The following MAN2A1 variants were observed in gnomAD, a reference collection of about 807,000 sequenced individuals.
MAN2A1 encodes mannosidase alpha class 2A member 1, also known as alpha-mannosidase 2.
Under a neutral mutation model 142.6 loss-of-function variants are expected in MAN2A1, and 76 were observed. The ratio of observed to expected loss-of-function variants is 0.53; its 90% CI spans 0.44 to 0.65. The LOEUF is 0.65. Among genes scored for constraint, MAN2A1 ranks in the 30% least tolerant of loss-of-function variants. The pLI is 0.00. For missense variants in MAN2A1, 1,311 were observed against 1,365.1 expected (o/e 0.96, Z 0.62); for synonymous variants, 559 against 473.2 (o/e 1.18, Z -2.35).
Position 109,828,061 on chromosome 5 carries a change from C to T in MAN2A1, c.2566+4224C>T, listed in dbSNP as rs199971095. 5.5e-4 allele frequency among the ~76,000 whole-genome samples: 83 copies of T among 150,358 alleles called. No homozygotes were observed. The East Asian group carries it at 0.014, about 26-fold the overall frequency. ...CGGAGGTTGCAATGAGCCGAAATAG[C>T]GCCACTGTACTCCAACCTGGGCAAC... is the stretch of plus-strand genomic sequence containing the variant. On this transcript the variant is annotated intron_variant, in intron 16 of 21. Transcript: ENST00000261483.
intron 16 of MAN2A1, among the ~76,000 whole-genome samples, chr5:109,832,877 G>C (rs1222285769): frequency 1.3e-5 from 2 of 151,006 alleles, no homozygotes; most frequent in East Asian, 1.9e-4. Context: ...TCCCAGACGG[G>C]GCGGCTGCCG....
intron 19 of MAN2A1, chr5:109,853,603 G>A (rs1196506410): frequency 6.6e-6 from 1 of 152,150 alleles, no homozygotes; most frequent in East Asian, 1.9e-4. Flanking sequence ...ACCTAGAGTG[G>A]ACTTAATACT....
At position 109,751,195 on chromosome 5, in the gene MAN2A1, T is replaced by C. The variant is rs1179968783; in HGVS notation, c.708-4134T>C. Among the ~76,000 whole-genome samples, 3 of 152,020 alleles carry C rather than the reference T, an allele frequency of 2.0e-5. No individual in the cohort carries two copies. In the East Asian group the frequency reaches 5.8e-4, roughly 29 times the overall value. On this transcript the variant is annotated intron_variant, in intron 4 of 21. Transcript: ENST00000261483. Reference sequence around the variant, plus strand: ...TGTCTGTCCTTCTACTCTCCACTTCTGTGAGATCAACTTTTTTTTTTTTTA... The same window carrying C: ...TGTCTGTCCTTCTACTCTCCACTTCCGTGAGATCAACTTTTTTTTTTTTTA...
chr5:109,726,957 G>C (rs1001146748), intron 3 of MAN2A1, among the ~76,000 whole-genome samples: 1 of 152,114 alleles, frequency 6.6e-6, no homozygotes, highest in Admixed American at 6.5e-5. Context: ...TCATTTACAT[G>C]GTCCTTGTTG....
At position 109,817,451 on chromosome 5, in the gene MAN2A1, C is replaced by T. The variant is rs376931706; in HGVS notation, c.2109+13C>T. 1 of 1,612,840 alleles carries T rather than the reference C, an allele frequency of 6.2e-7. No homozygotes were observed. The highest frequency in any genetic ancestry group is 8.5e-7 in the Non-Finnish European group (1 of 1,179,278). ...AACAGCCTATGAGGTATGTTGTAGC[C>T]ATAGAACTTAAGGAGGCATTGTAAA... On this transcript the variant is annotated intron_variant, in intron 13 of 21. Coordinates refer to ENST00000261483, the MANE Select transcript of MAN2A1 (RefSeq NM_002372.4).
chr5:109,867,755 T>A lies in MAN2A1; in HGVS notation c.*757T>A, dbSNP rs1755922716. On this transcript the variant is annotated 3_prime_UTR_variant, in exon 22 of 22. Transcript: ENST00000261483. Reference sequence around the variant, plus strand: ...AACCTATTTTAGGTACCACAAGGTGTCTTTTTACACAGCTCATTTGAATAC... The same window carrying A: ...AACCTATTTTAGGTACCACAAGGTGACTTTTTACACAGCTCATTTGAATAC... 1.3e-5 allele frequency: 2 copies of A among 152,568 alleles called. No individual in the cohort carries two copies. The highest frequency in any genetic ancestry group is 2.9e-5 in the Non-Finnish European group (2 of 68,022). The allele number at this position is 152,568 out of a possible 1,614,324, so 9.5% of individuals were successfully genotyped here.
rs1223972436 is a variant in MAN2A1 at position 109,716,210 on chromosome 5, T to C, written c.481T>C (p.Trp161Arg). The C allele has an allele frequency of 3.7e-6, 6 of 1,611,684 alleles. No homozygotes were observed. In the Admixed American group the frequency reaches 8.3e-5, roughly 22 times the overall value. ...GFDITYESNE[W>R]DTEPLQVFVV... ...TGACATTACTTATGAATCTAATGAA[T>C]GGGACACTGAACCCCTTCAAGTCTT... Residue 161 changes from tryptophan to arginine, a missense_variant, in exon 3 of 22, where the codon TGG becomes CGG. Trp to Arg is a moderately radical substitution (Grantham distance 101). Transcript: ENST00000261483.
chr5:109,732,680 T>A (rs1582835470), intron 4 of MAN2A1, among the ~76,000 whole-genome samples: 1 of 152,146 alleles, frequency 6.6e-6, no homozygotes. Flanking sequence ...TGCAGATATG[T>A]GGCATTATTT....
Position 109,770,520 on chromosome 5 carries a change from A to G in MAN2A1, c.1175A>G (p.His392Arg). ...CPWGVPPETI[H>R]PGNVQSRARM... Reference sequence around the variant, plus strand: ...TGGGGAGTCCCCCCAGAAACAATACATCCTGGAAATGTCCAAAGCAGGTAT... The same window carrying G: ...TGGGGAGTCCCCCCAGAAACAATACGTCCTGGAAATGTCCAAAGCAGGTAT... The change falls in exon 7 of 22, where the codon CAT becomes CGT. Residue 392 changes from histidine to arginine, a missense_variant. Physicochemically the swap from His to Arg is conservative, Grantham distance 29. Around this residue, in one of 3 missense-constraint regions of MAN2A1, gnomAD observed 890 missense variants for 920.5 expected, o/e 0.97. Transcript: ENST00000261483. 6.2e-7 allele frequency: 1 copy of G among 1,613,770 alleles called. No homozygotes were observed. Among genetic ancestry groups the G allele is most frequent in the Non-Finnish European group, 8.5e-7 (1 of 1,179,812 alleles).
chr5:109,703,678 G>C (rs541938767), intron 1 of MAN2A1, among the ~76,000 whole-genome samples: 4 of 152,196 alleles, frequency 2.6e-5, no homozygotes, highest in Non-Finnish European at 5.9e-5. Context: ...AGTTCTGTTA[G>C]TCAACAGTTA....
Position 109,784,790 on chromosome 5 carries a change from T to C in MAN2A1, c.1624T>C (p.Tyr542His), listed in dbSNP as rs1476756989. The change falls in exon 10 of 22, where the codon TAC (tyrosine) becomes CAC (histidine). Residue 542 changes from tyrosine (Y) to histidine (H), a missense_variant. By Grantham distance (83) the Tyr-to-His change is moderately conservative. Transcript: ENST00000261483. ...YYFALRQAHK[Y>H]KINKFLSSSL... is the part of the protein sequence containing the mutation. ...TTTCGCCCTGAGACAAGCTCACAAA[T>C]ACAAGATAAATAAATTTCTCTCATC... 1 of 1,610,632 alleles carries C rather than the reference T, an allele frequency of 6.2e-7. No homozygotes were observed. Among genetic ancestry groups the C allele is most frequent in the African/African-American group, 1.3e-5 (1 of 74,836 alleles).
chr5:109,735,142 C>T (rs952991598), intron 4 of MAN2A1, among the ~76,000 whole-genome samples: 1 of 152,070 alleles, frequency 6.6e-6, no homozygotes, highest in Non-Finnish European at 1.5e-5. Context: ...TTCTTTGTCT[C>T]TTTTGATCTT....
chr5:109,788,837 G>A (rs1325388643), intron 10 of MAN2A1, 97 bp from the exon 11 acceptor site: 2 of 630,950 alleles, frequency 3.2e-6, no homozygotes, highest in Non-Finnish European at 2.9e-6. Flanking sequence ...AATACAAGAT[G>A]AAGATACTGG....
At chr5:109,831,370 G>T (rs1445520067) in intron 16 of MAN2A1, among the ~76,000 whole-genome samples, 1 of 152,182 alleles carries the variant, frequency 6.6e-6, no homozygotes, top group African/African-American at 2.4e-5. Flanking sequence ...AATGAAGGAA[G>T]TGAGTCACTG....
At chr5:109,799,460 AAAC>A (rs1393085149) in intron 12 of MAN2A1, among the ~76,000 whole-genome samples, 1 of 152,214 alleles carries the variant, frequency 6.6e-6, no homozygotes, top group East Asian at 1.9e-4. Flanking sequence ...GGGTTAAAAA[AAAC>A]AAAAAAGCAG....
intron 19 of MAN2A1, 48 bp downstream of exon 19, chr5:109,847,838 C>T (rs1755382119): frequency 7.5e-7 from 1 of 1,341,644 alleles, no homozygotes; most frequent in Non-Finnish European, 9.7e-7. Context: ...TTCTTTGTCA[C>T]CCAAAACTTG....
chr5:109,833,143 A>C (rs1754967628), intron 16 of MAN2A1, among the ~76,000 whole-genome samples: 1 of 146,504 alleles, frequency 6.8e-6, no homozygotes, highest in Non-Finnish European at 1.5e-5. Context: ...CTCACTTCCC[A>C]GAGGGGATGG....
intron 7 of MAN2A1, among the ~76,000 whole-genome samples, chr5:109,772,969 T>C (rs1018254905): frequency 6.6e-6 from 1 of 152,214 alleles, no homozygotes; most frequent in African/African-American, 2.4e-5. Flanking sequence ...ATATTTTAAG[T>C]TGGCTTTTTC....
Position 109,690,445 on chromosome 5 carries a change from T to G in MAN2A1, c.28T>G (p.Phe10Val), listed in dbSNP as rs760278644. The change falls in exon 1 of 22, where the codon TTC becomes GTC. Residue 10 changes from phenylalanine (F) to valine (V), a missense_variant. Physicochemically the swap from Phe to Val is conservative, Grantham distance 50. This residue lies in a region of MAN2A1 where 409 missense variants were observed against 412.7 expected (regional missense o/e 0.99). Transcript: ENST00000261483. ...GAAGTTAAGCCGCCAGTTCACCGTG[T>G]TCGGCAGTGCGATCTTCTGTGTGGT... Reference protein sequence around the residue: MKLSRQFTVFGSAIFCVVIF... With the variant: MKLSRQFTVVGSAIFCVVIF... 3 of 1,613,970 alleles carry G rather than the reference T, an allele frequency of 1.9e-6. No individual in the cohort carries two copies. In the East Asian group the frequency reaches 6.7e-5, roughly 36 times the overall value.
Sources: gnomAD v4.1 joint callset for allele counts (sites outside exome capture counted in the v4.1 genomes callset) on GRCh38, gnomAD v4.1.1 for gene constraint, gnomAD v4.1.1 regional missense constraint, MANE v1.5 for transcripts, NCBI Gene and HGNC (gene_info 2026-07-23, HGNC 2026-07-21) for gene names.